MRAP2: variants seen among roughly 807,000 people sequenced by gnomAD.
MRAP2 encodes melanocortin 2 receptor accessory protein 2.
In MRAP2, 20 loss-of-function variants were observed where a neutral mutation model predicts 17.4. That is an observed-to-expected ratio of 1.15 (90% CI 0.81 to 1.67). The LOEUF (loss-of-function observed/expected upper bound fraction) is 1.67. Ranked by LOEUF, MRAP2 falls within the 40% of genes most tolerant of loss-of-function variation. MRAP2 has a pLI of 0.00. For missense variants in MRAP2, 238 were observed against 240.0 expected, an observed-to-expected ratio of 0.99 and a Z score of 0.05; for synonymous variants, 96 against 88.4, an observed-to-expected ratio of 1.09 and a Z score of -0.48.
chr6:84,128,838 C>T, the MRAP2 span, among the ~76,000 whole-genome samples: 9 of 151,974 alleles, frequency 5.9e-5, no homozygotes, highest in Non-Finnish European at 1.2e-4. Flanking sequence ...GCTATCCCTC[C>T]CCTAACCCCC....
At chr6:84,036,158 C>CT (rs1406967337) in intron 1 of MRAP2, among the ~76,000 whole-genome samples, 2 of 148,586 alleles carry the variant, frequency 1.3e-5, no homozygotes, top group Admixed American at 6.7e-5. Flanking sequence ...CTCATTTTGG[C>CT]TTTTTTTCCT....
rs1197452321 is a variant in MRAP2, at chr6:84,089,653, T to C, written c.*172T>C. On this transcript the variant is annotated 3_prime_UTR_variant, in exon 4 of 4. Transcript: ENST00000257776. ...AGAGAGCTGAGCTGATTAAGCTGAG[T>C]GGTTTTTTGTTTTGTTTTGTTTTTG... 4.1e-6 allele frequency: 3 copies of C among 738,792 alleles called. No homozygotes were observed. Among genetic ancestry groups the C allele is most frequent in the Non-Finnish European group, 6.2e-6 (3 of 482,322 alleles). 45.8% of individuals were successfully genotyped at this position (738,792 alleles called of 1,614,324 possible). A position where few individuals can be genotyped will look rare whatever the true frequency, so the allele number is the denominator to read the frequency against.
the MRAP2 span, among the ~76,000 whole-genome samples, chr6:84,140,680 T>C: frequency 6.6e-6 from 1 of 152,024 alleles, no homozygotes; most frequent in African/African-American, 2.4e-5. Context: ...CGCATGTTAC[T>C]GCACAGGCTA....
Position 84,053,677 on chromosome 6 carries a change from A to C in MRAP2, c.-7-1635A>C, listed in dbSNP as rs1204228731. 2.0e-5 allele frequency among the ~76,000 whole-genome samples: 3 copies of C among 152,174 alleles called. No individual in the cohort carries two copies. In the East Asian group the frequency reaches 5.8e-4, roughly 29 times the overall value. On this transcript the variant is annotated intron_variant, in intron 1 of 3. Transcript: ENST00000257776. The stretch of plus-strand genomic sequence containing the variant: ...TTAATAATAGTTGTGCTGCCTGCTA[A>C]TATTTTTCTTAATTTTTCATGCAAC...
chr6:84,122,976 A>G, the MRAP2 span, among the ~76,000 whole-genome samples: 2 of 151,856 alleles, frequency 1.3e-5, no homozygotes, highest in African/African-American at 2.4e-5. Flanking sequence ...AATCCCATTT[A>G]TAATAGCTAC....
chr6:84,114,524 C>A, the MRAP2 span, among the ~76,000 whole-genome samples: 3 of 152,068 alleles, frequency 2.0e-5, no homozygotes, highest in Non-Finnish European at 4.4e-5. Flanking sequence ...TTAGAACATG[C>A]TCCTTTAGCT....
the MRAP2 span, among the ~76,000 whole-genome samples, chr6:84,105,229 T>C: frequency 2.6e-5 from 4 of 152,280 alleles, no homozygotes; most frequent in East Asian, 7.7e-4. Context: ...TGCCCCACTC[T>C]ATAGGTACTA....
chr6:84,049,723 T>G (rs545129279), intron 1 of MRAP2, among the ~76,000 whole-genome samples: 3 of 152,182 alleles, frequency 2.0e-5, no homozygotes, highest in Admixed American at 6.5e-5. Flanking sequence ...ATGGAAGAAG[T>G]CTTCAGGCTT....
intron 3 of MRAP2, among the ~76,000 whole-genome samples, chr6:84,082,451 G>GTT (rs2099499241): frequency 6.6e-6 from 1 of 152,158 alleles, no homozygotes; most frequent in Non-Finnish European, 1.5e-5. Context: ...TAAGCCTTTA[G>GTT]TTTTGTCCCA....
intron 1 of MRAP2, chr6:84,045,252 G>C (rs1413469836): frequency 1.0e-6 from 1 of 985,288 alleles, no homozygotes; most frequent in African/African-American, 1.7e-5. Context: ...CTGGACATCG[G>C]GCAGCCAAGA....
At chr6:84,107,642 C>T in the MRAP2 span, among the ~76,000 whole-genome samples, 2 of 152,172 alleles carry the variant, frequency 1.3e-5, no homozygotes, top group Non-Finnish European at 2.9e-5. Context: ...GTACTGCTGG[C>T]CTTACCAGCT....
At chr6:84,042,674 G>A (rs1309547465) in intron 1 of MRAP2, among the ~76,000 whole-genome samples, 1 of 152,172 alleles carries the variant, frequency 6.6e-6, no homozygotes, top group Non-Finnish European at 1.5e-5. Context: ...AGGAGGCTAT[G>A]GGGTGCCTTG....
the MRAP2 span, among the ~76,000 whole-genome samples, chr6:84,113,818 G>T: frequency 6.6e-6 from 1 of 152,152 alleles, no homozygotes; most frequent in South Asian, 2.1e-4. Flanking sequence ...TGTCTGTAAA[G>T]GATTTCATTT....
the MRAP2 span, among the ~76,000 whole-genome samples, chr6:84,105,602 G>C: frequency 6.6e-6 from 1 of 152,180 alleles, no homozygotes; most frequent in Non-Finnish European, 1.5e-5. Flanking sequence ...AACCATATCA[G>C]CATGGTAGTA....
the MRAP2 span, among the ~76,000 whole-genome samples, chr6:84,111,163 G>A: frequency 1.3e-5 from 2 of 152,074 alleles, no homozygotes; most frequent in Admixed American, 6.6e-5. Flanking sequence ...AGCTTGATGG[G>A]AATAGCATTC....
the MRAP2 span, among the ~76,000 whole-genome samples, chr6:84,132,431 A>C: frequency 1.3e-5 from 2 of 152,266 alleles, no homozygotes; most frequent in Admixed American, 6.5e-5. Context: ...AATATCCTGA[A>C]GAGTGTTTTC....
At position 84,043,995 on chromosome 6, in the gene MRAP2, A is replaced by AT. The variant is rs201282886; in HGVS notation, c.-8+10121dup. Among the ~76,000 whole-genome samples, 936 of 151,302 alleles carry AT rather than the reference A, an allele frequency of 6.2e-3. 16 individuals are homozygous for AT. Among genetic ancestry groups the AT allele is most frequent in the African/African-American group, 0.021 (875 of 41,206 alleles). ...GTAAATGTTTTCTTTTCAAAAATGT[A>AT]TTTTTTTTTAGTTATAGTTAGAGTG... On this transcript the variant is annotated intron_variant, in intron 1 of 3. Coordinates refer to ENST00000257776, the MANE Select transcript of MRAP2 (RefSeq NM_138409.4).
the MRAP2 span, among the ~76,000 whole-genome samples, chr6:84,143,796 C>T: frequency 2.0e-5 from 3 of 151,890 alleles, no homozygotes; most frequent in African/African-American, 7.2e-5. Context: ...CTTGGAGCAT[C>T]GGTCTGCTCT....
intron 3 of MRAP2, 115 bp downstream of exon 3, chr6:84,063,107 A>G: frequency 1.3e-6 from 2 of 1,525,660 alleles, no homozygotes; most frequent in African/African-American, 1.4e-5. Context: ...GGGTGGTTAT[A>G]GATTTGCTGT....
Sources: allele counts gnomAD v4.1 joint callset (sites outside exome capture counted in the v4.1 genomes callset), GRCh38; gene constraint gnomAD v4.1.1; transcripts MANE v1.5; gene names NCBI Gene and HGNC (gene_info 2026-07-23, HGNC 2026-07-21).